The following SLC16A2 variants were observed in gnomAD, a reference collection of about 807,000 sequenced individuals.
The protein encoded by SLC16A2 is monocarboxylate transporter 8.
A neutral mutation model predicts 27.2 loss-of-function variants in SLC16A2; 3 were observed. The observed-to-expected ratio is 0.11, with a 90% CI of 0.05 to 0.28. SLC16A2 has a LOEUF of 0.28. Ranked by LOEUF, SLC16A2 falls within the 10% of genes least tolerant of loss-of-function variation. The pLI is 1.00. For missense variants in SLC16A2, 295 were observed against 458.5 expected (o/e 0.64, Z 3.26); for synonymous variants, 202 against 187.8 (o/e 1.08, Z -0.62).
chrX:74,496,183 A>AGCC (rs1929930253), intron 1 of SLC16A2, among the ~76,000 whole-genome samples: 1 of 110,766 alleles, frequency 9.0e-6, no homozygotes, highest in Admixed American at 9.6e-5. Context: ...GAGTTAGGGC[A>AGCC]TTAACTAAAA....
chrX:74,498,968 C>G (rs1453442106), intron 1 of SLC16A2, among the ~76,000 whole-genome samples: 1 of 111,953 alleles, frequency 8.9e-6, no homozygotes, highest in Non-Finnish European at 1.9e-5. Flanking sequence ...CTTTGGGGCT[C>G]AGGGTTCCAC....
chrX:74,427,936 C>T (rs1928444364), intron 1 of SLC16A2, among the ~76,000 whole-genome samples: 2 of 111,150 alleles, frequency 1.8e-5, no homozygotes, highest in South Asian at 7.7e-4. Context: ...CCAGAGGCTT[C>T]TGTAAAGATT....
chrX:74,515,073 A>G (rs1008279701), intron 1 of SLC16A2, among the ~76,000 whole-genome samples: 2 of 112,511 alleles, frequency 1.8e-5, no homozygotes, highest in African/African-American at 6.5e-5. Context: ...ACTAACATGA[A>G]GATAACACAG....
At chrX:74,497,119 AG>A (rs944373709) in intron 1 of SLC16A2, among the ~76,000 whole-genome samples, 1 of 110,995 alleles carries the variant, frequency 9.0e-6, no homozygotes, top group Non-Finnish European at 1.9e-5. Context: ...AGGCCAGGGG[AG>A]GTCTTGGGAA....
intron 1 of SLC16A2, among the ~76,000 whole-genome samples, chrX:74,452,609 A>G (rs982906956): frequency 1.8e-5 from 2 of 111,759 alleles, no homozygotes; most frequent in Non-Finnish European, 3.8e-5. Flanking sequence ...TTAAATATAT[A>G]TCAGTTATAT....
chrX:74,458,537 G>A (rs1410104752), intron 1 of SLC16A2, among the ~76,000 whole-genome samples: 4 of 110,319 alleles, frequency 3.6e-5, no homozygotes, highest in Non-Finnish European at 7.6e-5. Context: ...TAGTAGAGAC[G>A]GGGTTTCTCC....
intron 1 of SLC16A2, among the ~76,000 whole-genome samples, chrX:74,459,070 A>G (rs1929083424): frequency 9.6e-6 from 1 of 103,882 alleles, no homozygotes; most frequent in Non-Finnish European, 1.9e-5. Context: ...AACTTATTCT[A>G]TTCAGTGCAG....
At chrX:74,435,545 A>ATGCATATATATATATG (rs751781332) in intron 1 of SLC16A2, among the ~76,000 whole-genome samples, 1 of 88,468 alleles carries the variant, frequency 1.1e-5, no homozygotes, top group East Asian at 3.8e-4. Flanking sequence ...ATGTATATAT[A>ATGCATATATATATATG]TATATATATT....
At chrX:74,442,829 C>T (rs542816359) in intron 1 of SLC16A2, among the ~76,000 whole-genome samples, 18 of 111,373 alleles carry the variant, frequency 1.6e-4, no homozygotes, top group African/African-American at 3.3e-4. Flanking sequence ...TGGTGGCACA[C>T]GCATGTAGTC....
intron 1 of SLC16A2, among the ~76,000 whole-genome samples, chrX:74,435,707 G>A (rs1569284015): frequency 1.9e-5 from 2 of 107,948 alleles, no homozygotes; most frequent in South Asian, 4.1e-4. Context: ...GTAAGAAGCA[G>A]TATAGTATGA....
intron 1 of SLC16A2, among the ~76,000 whole-genome samples, chrX:74,458,259 T>C (rs1484123406): frequency 8.9e-6 from 1 of 112,421 alleles, no homozygotes; most frequent in Non-Finnish European, 1.9e-5. Flanking sequence ...TATATACATA[T>C]ACAGTCTGAA....
At chrX:74,454,434 G>A (rs1204585886) in intron 1 of SLC16A2, among the ~76,000 whole-genome samples, 2 of 109,839 alleles carry the variant, frequency 1.8e-5, no homozygotes, top group Middle Eastern at 4.2e-3. Context: ...GTAGGGACAT[G>A]GATGAAGCTG....
chrX:74,474,683 T>G (rs1337517140), intron 1 of SLC16A2, among the ~76,000 whole-genome samples: 1 of 110,343 alleles, frequency 9.1e-6, no homozygotes, highest in Non-Finnish European at 1.9e-5. Flanking sequence ...CCTGTGTCCA[T>G]GTGTTCTCAT....
At chrX:74,474,617 T>A (rs1358300769) in intron 1 of SLC16A2, among the ~76,000 whole-genome samples, 2 of 110,603 alleles carry the variant, frequency 1.8e-5, no homozygotes, top group African/African-American at 6.6e-5. Flanking sequence ...CTCCTAATGC[T>A]ATCCTTCCCC....
intron 1 of SLC16A2, among the ~76,000 whole-genome samples, chrX:74,498,007 A>C (rs1352280671): frequency 2.7e-5 from 3 of 111,975 alleles, no homozygotes; most frequent in African/African-American, 9.7e-5. Flanking sequence ...AGTTGAGTCC[A>C]TCTTGCTTCT....
intron 1 of SLC16A2, among the ~76,000 whole-genome samples, chrX:74,479,123 A>T (rs1478862436): frequency 8.9e-6 from 1 of 112,017 alleles, no homozygotes; most frequent in East Asian, 2.8e-4. Context: ...AGGTACACCA[A>T]TCAGATGTAG....
Position 74,524,434 on chromosome X carries a change from C to T in SLC16A2, c.651C>T (p.Leu217=), listed in dbSNP as rs1930457695. ...CGCSFAFQPS[L]VILGHYFQRR... ...GTTCCTTCGCCTTTCAGCCATCCCTCGTCATCCTGGGCCACTACTTTCAAC... is the reference window on the plus strand; with the variant it reads ...GTTCCTTCGCCTTTCAGCCATCCCTTGTCATCCTGGGCCACTACTTTCAAC... Residue 217 remains leucine, a synonymous_variant, in exon 3 of 6, where the codon CTC becomes CTT. Coordinates refer to ENST00000587091, the MANE Select transcript of SLC16A2 (RefSeq NM_006517.5). 5.8e-6 allele frequency: 7 copies of T among 1,211,791 alleles called. No homozygotes were observed. Among genetic ancestry groups the T allele is most frequent in the Non-Finnish European group, 7.8e-6 (7 of 895,531 alleles).
At position 74,518,485 on chromosome X, in the gene SLC16A2, G is replaced by T. The variant is rs189391232; in HGVS notation, c.431-2505G>T. Among the ~76,000 whole-genome samples, 209 of 109,817 alleles carry T rather than the reference G, an allele frequency of 1.9e-3. 1 individual carries two copies. Among genetic ancestry groups the T allele is most frequent in the African/African-American group, 6.3e-3 (190 of 30,124 alleles). On this transcript the variant is annotated intron_variant, in intron 1 of 5. Coordinates refer to ENST00000587091, the MANE Select transcript of SLC16A2 (RefSeq NM_006517.5). ...GTGCGCCTGTAATCCCAGCTACCCG[G>T]GAGGCTGAGGCACAAGAGTTGCTTG...
intron 1 of SLC16A2, among the ~76,000 whole-genome samples, chrX:74,478,371 T>C (rs1051916015): frequency 2.3e-4 from 26 of 111,298 alleles, no homozygotes; most frequent in African/African-American, 7.8e-4. Context: ...TTATTTTGAG[T>C]CTATGTGTGT....
Sources: allele counts gnomAD v4.1 joint callset (sites outside exome capture counted in the v4.1 genomes callset), GRCh38; gene constraint gnomAD v4.1.1; transcripts MANE v1.5; gene names NCBI Gene and HGNC (gene_info 2026-07-23, HGNC 2026-07-21).